The following EPB41L2 variants were observed in gnomAD, a reference collection of about 807,000 sequenced individuals.
EPB41L2 encodes the protein erythrocyte membrane protein band 4.1 like 2.
In EPB41L2, 43 loss-of-function variants were observed where a neutral mutation model predicts 113.0. That is an observed-to-expected ratio of 0.38 (90% confidence interval 0.30 to 0.49). The LOEUF is 0.49. Among genes scored for constraint, EPB41L2 ranks in the 20% least tolerant of loss-of-function variants. The probability of loss-of-function intolerance (pLI) is 0.95; values close to 1 mark genes in which losing one functional copy is unlikely to be tolerated. For missense variants in EPB41L2, 1,147 were observed against 1,223.4 expected, an observed-to-expected ratio of 0.94 and a Z score of 0.93; for synonymous variants, 442 against 436.7, an observed-to-expected ratio of 1.01 and a Z score of -0.15.
At chr6:130,946,415 G>T (rs774140727) in intron 3 of EPB41L2, among the ~76,000 whole-genome samples, 1 of 151,978 alleles carries the variant, frequency 6.6e-6, no homozygotes, top group Non-Finnish European at 1.5e-5. Flanking sequence ...AATTCTGTGT[G>T]GCATAAAAAT....
chr6:130,906,211 AG>A (rs930389191), intron 5 of EPB41L2, among the ~76,000 whole-genome samples: 2 of 152,194 alleles, frequency 1.3e-5, no homozygotes, highest in Admixed American at 1.3e-4. Context: ...TAATAACACT[AG>A]AACATGCTTG....
At chr6:130,908,617 ATG>A (rs1798416457) in intron 5 of EPB41L2, among the ~76,000 whole-genome samples, 1 of 152,238 alleles carries the variant, frequency 6.6e-6, no homozygotes, top group Non-Finnish European at 1.5e-5. Context: ...ATATTTAGGA[ATG>A]TGAGTCTAGA....
chr6:130,982,391 T>C (rs1009724975), intron 1 of EPB41L2, among the ~76,000 whole-genome samples: 3 of 152,164 alleles, frequency 2.0e-5, no homozygotes, highest in Admixed American at 6.5e-5. Flanking sequence ...TATATAACAG[T>C]TGCAGTTAAC....
At chr6:130,879,612 G>GTTCT (rs550331803) in intron 13 of EPB41L2, among the ~76,000 whole-genome samples, 53 of 152,000 alleles carry the variant, frequency 3.5e-4, no homozygotes, top group Non-Finnish European at 6.2e-4. Context: ...ACTTTTGCTT[G>GTTCT]TTCTTTCTAA....
intron 1 of EPB41L2, among the ~76,000 whole-genome samples, chr6:131,049,815 A>G (rs1796179018): frequency 6.6e-6 from 1 of 152,186 alleles, no homozygotes; most frequent in African/African-American, 2.4e-5. Context: ...CTCAAGACAC[A>G]AATATATAAA....
chr6:131,013,451 T>A (rs909123441), intron 1 of EPB41L2: 2 of 152,134 alleles, frequency 1.3e-5, no homozygotes, highest in Admixed American at 1.3e-4. Context: ...CAGACTTTTA[T>A]CCAAATCAGC....
In EPB41L2 at chr6:130,993,558, C is replaced by T. The variant is rs1782383469; in HGVS notation, c.-14-37059G>A. On this transcript the variant is annotated intron_variant, in intron 1 of 19. Coordinates refer to ENST00000337057, the MANE Select transcript of EPB41L2 (RefSeq NM_001431.4). ...CAGGGGTTTTATAGTCTGCTGTAAACAGGAAGTGTCTCAGTCTGATGTAAC... is the reference window on the plus strand; with the variant it reads ...CAGGGGTTTTATAGTCTGCTGTAAATAGGAAGTGTCTCAGTCTGATGTAAC... Among the ~76,000 whole-genome samples, 3 of 152,158 alleles carry T rather than the reference C, an allele frequency of 2.0e-5. No homozygotes were observed. The South Asian group carries it at 6.2e-4, about 32-fold the overall frequency.
intron 1 of EPB41L2, among the ~76,000 whole-genome samples, chr6:131,056,946 T>G (rs1023450847): frequency 6.6e-6 from 1 of 152,154 alleles, no homozygotes; most frequent in African/African-American, 2.4e-5. Flanking sequence ...ATATCAGAAT[T>G]CAGTTTAACC....
At chr6:130,851,899 A>G (rs1778856527) in intron 19 of EPB41L2, among the ~76,000 whole-genome samples, 1 of 151,920 alleles carries the variant, frequency 6.6e-6, no homozygotes, top group Non-Finnish European at 1.5e-5. Flanking sequence ...CTCAGCTCTG[A>G]GCTAGCCCTG....
intron 1 of EPB41L2, among the ~76,000 whole-genome samples, chr6:131,003,824 AGAG>A (rs908875590): frequency 3.3e-5 from 5 of 152,320 alleles, no homozygotes; most frequent in African/African-American, 1.2e-4. Flanking sequence ...TCGGAAAAAA[AGAG>A]GAGAATAATT....
chr6:131,049,771 T>C (rs1796171262), intron 1 of EPB41L2, among the ~76,000 whole-genome samples: 3 of 152,224 alleles, frequency 2.0e-5, no homozygotes, highest in Non-Finnish European at 4.4e-5. Flanking sequence ...TATTGAACTA[T>C]TTTTGGAAGA....
At chr6:130,869,414 C>T (rs1784913893) in intron 15 of EPB41L2, 149 bp downstream of exon 15, 1 of 756,476 alleles carries the variant, frequency 1.3e-6, no homozygotes, top group African/African-American at 1.8e-5. Context: ...ATCCACAAAG[C>T]AGTGCTTCCC....
At chr6:130,959,343 T>C (rs1030315780) in intron 1 of EPB41L2, among the ~76,000 whole-genome samples, 7 of 152,156 alleles carry the variant, frequency 4.6e-5, no homozygotes, top group African/African-American at 1.4e-4. Flanking sequence ...GAGATAGGGT[T>C]TGGATGTTGT....
intron 12 of EPB41L2, among the ~76,000 whole-genome samples, chr6:130,883,940 G>A (rs1021956560): frequency 2.6e-5 from 4 of 152,204 alleles, no homozygotes; most frequent in African/African-American, 9.7e-5. Flanking sequence ...CTGGGCCTCA[G>A]AGGCTATCAG....
intron 17 of EPB41L2, among the ~76,000 whole-genome samples, chr6:130,864,446 G>A (rs1218708702): frequency 1.3e-5 from 2 of 152,198 alleles, no homozygotes; most frequent in African/African-American, 2.4e-5. Flanking sequence ...CAAAGGCTGC[G>A]AGCGGGGCTG....
rs1377213032 is a variant in EPB41L2 at position 130,926,778 on chromosome 6, T to A, written c.706-69A>T. 4.8e-6 allele frequency: 4 copies of A among 838,908 alleles called. No individual in the cohort carries two copies. In the African/African-American group the frequency reaches 5.2e-5, roughly 11 times the overall value. 52.0% of individuals were successfully genotyped at this position (838,908 alleles called of 1,614,324 possible). The stretch of plus-strand genomic sequence containing the variant: ...CCAAGACTGCTATAAATTTAAGACA[T>A]CATATCAGATACATGATTTATTATA... On this transcript the variant is annotated intron_variant, in intron 3 of 19. Coordinates refer to ENST00000337057, the MANE Select transcript of EPB41L2 (RefSeq NM_001431.4).
chr6:130,945,358 G>A (rs1287540069), intron 3 of EPB41L2, among the ~76,000 whole-genome samples: 1 of 152,118 alleles, frequency 6.6e-6, no homozygotes, highest in Non-Finnish European at 1.5e-5. Flanking sequence ...AAAAGACCTC[G>A]ACACATTCTG....
intron 19 of EPB41L2, among the ~76,000 whole-genome samples, chr6:130,850,724 G>A (rs1778550704): frequency 6.6e-6 from 1 of 152,128 alleles, no homozygotes; most frequent in South Asian, 2.1e-4. Flanking sequence ...AAACAATAAA[G>A]ATAGTTTCAT....
intron 1 of EPB41L2, among the ~76,000 whole-genome samples, chr6:131,004,591 C>CAG (rs1785040603): frequency 6.6e-6 from 1 of 152,190 alleles, no homozygotes; most frequent in Non-Finnish European, 1.5e-5. Flanking sequence ...CACACATGTG[C>CAG]TCTCCAGAGG....
Sources: gnomAD v4.1 joint callset for allele counts (sites outside exome capture counted in the v4.1 genomes callset) on GRCh38, gnomAD v4.1.1 for gene constraint, MANE v1.5 for transcripts, NCBI Gene and HGNC (gene_info 2026-07-23, HGNC 2026-07-21) for gene names.